Variants in DIP2C observed in about 807,000 individuals in gnomAD.
DIP2C encodes the protein disco-interacting protein 2 homolog C.
Under a neutral mutation model 192.4 loss-of-function variants are expected in DIP2C, and 33 were observed. That is an observed-to-expected ratio of 0.17 (90% CI 0.13 to 0.23). DIP2C has a LOEUF of 0.23. Among genes scored for constraint, DIP2C ranks in the 10% least tolerant of loss-of-function variants. The probability of loss-of-function intolerance (pLI) is 1.00; values close to 1 mark genes in which losing one functional copy is unlikely to be tolerated. For synonymous variants in DIP2C, 979 were observed against 864.1 expected, an observed-to-expected ratio of 1.13 and a Z score of -2.33; for missense variants, 1,537 against 2,110.1, an observed-to-expected ratio of 0.73 and a Z score of 5.32.
chr10:311,586 A>G, intron 31 of DIP2C: 1 of 1,232,470 alleles, frequency 8.1e-7, no homozygotes, highest in Non-Finnish European at 1.0e-6. Context: ...CAGAAGGGTG[A>G]GGACGAGAAG....
intron 1 of DIP2C, among the ~76,000 whole-genome samples, chr10:543,132 G>A (rs947505368): frequency 1.3e-5 from 2 of 152,208 alleles, no homozygotes; most frequent in Non-Finnish European, 2.9e-5. Flanking sequence ...CAACTGGACA[G>A]CAGTGAGATC....
At chr10:289,968 T>TC (rs972655681) in intron 32 of DIP2C, among the ~76,000 whole-genome samples, 2 of 151,900 alleles carry the variant, frequency 1.3e-5, no homozygotes, top group Non-Finnish European at 2.9e-5. Context: ...GGACAATTCC[T>TC]CCCCCCAGCC....
intron 24 of DIP2C, among the ~76,000 whole-genome samples, chr10:355,145 A>G (rs556275595): frequency 1.1e-3 from 173 of 152,294 alleles, no homozygotes; most frequent in African/African-American, 3.8e-3. Flanking sequence ...GCTCCGTCAC[A>G]GCACCAGCGA....
chr10:349,279 C>A, intron 25 of DIP2C, 52 bp downstream of exon 25: 1 of 1,578,496 alleles, frequency 6.3e-7, no homozygotes, highest in Non-Finnish European at 8.6e-7. Context: ...CTCCTCGCAC[C>A]GCGGCTGACC....
intron 1 of DIP2C, among the ~76,000 whole-genome samples, chr10:658,897 C>T (rs1486641837): frequency 6.6e-6 from 1 of 152,230 alleles, no homozygotes; most frequent in Non-Finnish European, 1.5e-5. Context: ...TCTCCAGGAA[C>T]ATGGCCCTCC....
At chr10:331,261 A>G (rs1456087553) in intron 29 of DIP2C, among the ~76,000 whole-genome samples, 1 of 152,232 alleles carries the variant, frequency 6.6e-6, no homozygotes, top group East Asian at 1.9e-4. Context: ...ATCCAACTAA[A>G]GAAATGTAAG....
chr10:314,801 G>A (rs373100766), intron 31 of DIP2C, among the ~76,000 whole-genome samples: 11 of 152,278 alleles, frequency 7.2e-5, no homozygotes, highest in South Asian at 2.1e-4. Context: ...AGTCCCATTC[G>A]TGAGGGCTCC....
At chr10:288,970 C>A (rs2132184855) in intron 32 of DIP2C, among the ~76,000 whole-genome samples, 1 of 152,358 alleles carries the variant, frequency 6.6e-6, no homozygotes, top group South Asian at 2.1e-4. Context: ...ATCTTAAGAA[C>A]TGCCAAGGAC....
At chr10:647,669 A>T (rs1564300868) in intron 1 of DIP2C, among the ~76,000 whole-genome samples, 1 of 147,054 alleles carries the variant, frequency 6.8e-6, no homozygotes, top group Non-Finnish European at 1.5e-5. Flanking sequence ...TCCACATTGG[A>T]TGGTGGGAGA....
intron 1 of DIP2C, among the ~76,000 whole-genome samples, chr10:522,680 TG>T (rs1313908140): frequency 2.6e-5 from 4 of 152,280 alleles, no homozygotes; most frequent in Non-Finnish European, 1.5e-5. Context: ...TCTTCTTTGT[TG>T]GGGTATCTGT....
chr10:622,297 AGGAG>A, intron 1 of DIP2C, among the ~76,000 whole-genome samples: 1 of 60,328 alleles, frequency 1.7e-5, no homozygotes, highest in Non-Finnish European at 3.2e-5. Flanking sequence ...GGAGGGAGGG[AGGAG>A]GGGGGAGAGG....
At chr10:347,528 CACCCA>C (rs758414120) in intron 26 of DIP2C, among the ~76,000 whole-genome samples, 6 of 123,616 alleles carry the variant, frequency 4.9e-5, no homozygotes, top group Non-Finnish European at 8.3e-5. Flanking sequence ...ACCCCACACG[CACCCA>C]ACCCAGACAC....
rs141207992 is a variant in DIP2C at position 373,521 on chromosome 10, A to C, written c.1992-3888T>G. Among the ~76,000 whole-genome samples, 9 of 152,272 alleles carry C rather than the reference A, an allele frequency of 5.9e-5. No homozygotes were observed. The South Asian group carries it at 8.3e-4, about 14-fold the overall frequency. On this transcript the variant is annotated intron_variant, in intron 17 of 36. Coordinates refer to ENST00000280886, the MANE Select transcript of DIP2C (RefSeq NM_014974.3). ...GCGGCAGGGCTTGCAGGTCTGACAT[A>C]ATGTAAGAGTCTCAGAACATGTCTG... is the stretch of plus-strand genomic sequence containing the variant.
chr10:598,595 C>G (rs978444179), intron 1 of DIP2C, among the ~76,000 whole-genome samples: 1 of 152,176 alleles, frequency 6.6e-6, no homozygotes, highest in Admixed American at 6.5e-5. Flanking sequence ...CTCCCCACCC[C>G]CTCCTAGCTT....
At chr10:506,433 G>A (rs1257180299) in intron 1 of DIP2C, among the ~76,000 whole-genome samples, 1 of 152,120 alleles carries the variant, frequency 6.6e-6, no homozygotes, top group African/African-American at 2.4e-5. Context: ...GTAGCCCTGG[G>A]GTCTGAGGCT....
rs543730605 is a variant in DIP2C, at chr10:419,381, A to G, written c.605-182T>C. ...CCAGCACAAAGGGGGACCCCAGCAT[A>G]ACTCATGTTGCCGCAAATGGAGCAG... On this transcript the variant is annotated intron_variant, in intron 5 of 36. Transcript: ENST00000280886. Among the ~76,000 whole-genome samples the G allele has an allele frequency of 1.9e-3, 296 of 152,356 alleles. 1 individual carries two copies. The highest frequency in any genetic ancestry group is 3.5e-3 in the Non-Finnish European group (238 of 68,030).
chr10:323,395 G>A (rs1345426518), intron 31 of DIP2C, among the ~76,000 whole-genome samples: 35 of 133,962 alleles, frequency 2.6e-4, no homozygotes, highest in Non-Finnish European at 3.5e-4. Flanking sequence ...CGGGGGTGCG[G>A]GGCTCCGGCG....
intron 1 of DIP2C, among the ~76,000 whole-genome samples, chr10:608,148 C>CACA: frequency 1.3e-5 from 1 of 76,608 alleles, no homozygotes; most frequent in South Asian, 4.6e-4. Context: ...CACAGCCCCC[C>CACA]CACACACACC....
intron 9 of DIP2C, among the ~76,000 whole-genome samples, chr10:408,418 T>C (rs1025159377): frequency 6.6e-6 from 1 of 152,138 alleles, no homozygotes; most frequent in African/African-American, 2.4e-5. Context: ...ACGTGTTCAA[T>C]AAAAAATGGG....
Sources: gnomAD v4.1 joint callset for allele counts (sites outside exome capture counted in the v4.1 genomes callset) on GRCh38, gnomAD v4.1.1 for gene constraint, MANE v1.5 for transcripts, NCBI Gene and HGNC (gene_info 2026-07-23, HGNC 2026-07-21) for gene names.